KCNQ1: variants seen among roughly 807,000 people sequenced by gnomAD.
KCNQ1 encodes potassium voltage-gated channel subfamily KQT member 1.
KCNQ1 carries 49 observed loss-of-function variants against 72.4 expected under a neutral mutation model. The observed-to-expected ratio is 0.68, with a 90% CI of 0.54 to 0.86. The LOEUF (loss-of-function observed/expected upper bound fraction) is 0.86. KCNQ1 is among the 40% of genes least tolerant of loss of function. KCNQ1 has a pLI of 0.00. For synonymous variants in KCNQ1, 450 were observed against 412.6 expected (o/e 1.09, Z -1.10); for missense variants, 790 against 945.1 (o/e 0.84, Z 2.15).
rs1377964839 is a variant in KCNQ1 at position 2,461,554 on chromosome 11, C to T, written c.386+16070C>T. 5.2e-6 allele frequency: 7 copies of T among 1,352,038 alleles called. No individual in the cohort carries two copies. In the African/African-American group the frequency reaches 7.4e-5, roughly 14 times the overall value. The allele number at this position is 1,352,038 out of a possible 1,614,324, so 83.8% of individuals were successfully genotyped here. A position where few individuals can be genotyped will look rare whatever the true frequency, so the allele number is the denominator to read the frequency against. On this transcript the variant is annotated intron_variant, in intron 1 of 15. Coordinates refer to ENST00000155840, the MANE Select transcript of KCNQ1 (RefSeq NM_000218.3). ...GTGTAGGATGGCACTGGTGCCGGGC[C>T]TGGATTTACTCAGCCCAGATCACGG...
chr11:2,820,709 G>A (rs1274987518), intron 15 of KCNQ1, among the ~76,000 whole-genome samples: 3 of 152,188 alleles, frequency 2.0e-5, no homozygotes, highest in African/African-American at 7.2e-5. Context: ...CCCATCCTCT[G>A]GGCCCTTAAA....
At chr11:2,539,117 G>A (rs1018486984) in intron 2 of KCNQ1, among the ~76,000 whole-genome samples, 1 of 152,108 alleles carries the variant, frequency 6.6e-6, no homozygotes, top group Non-Finnish European at 1.5e-5. Flanking sequence ...ATGTCCCGTC[G>A]GCAGCCCGTG....
chr11:2,659,821 A>G lies in KCNQ1; in HGVS notation c.1394-2140A>G. The G allele has an allele frequency of 1.0e-5, 4 of 398,252 alleles. No individual in the cohort carries two copies. Among genetic ancestry groups the G allele is most frequent in the Non-Finnish European group, 1.8e-5 (4 of 225,984 alleles). The allele number at this position is 398,252 out of a possible 1,614,324, so 24.7% of individuals were successfully genotyped here. On this transcript the variant is annotated intron_variant, in intron 10 of 15. Transcript: ENST00000155840. This position sits in a 1 kb window ranked among gnomAD's most constrained non-coding sequence, Gnocchi z 4.3. ...GAATTTCATTGTGATTCTAATTTGC[A>G]TTTCCATATTTATGTTAATTATGTA... is the stretch of plus-strand genomic sequence containing the variant.
At chr11:2,569,596 G>A (rs2067565006) in intron 2 of KCNQ1, among the ~76,000 whole-genome samples, 1 of 152,212 alleles carries the variant, frequency 6.6e-6, no homozygotes, top group Non-Finnish European at 1.5e-5. Flanking sequence ...GTGGCTTTGT[G>A]TGGCTAGCGC....
At chr11:2,761,052 T>C (rs1157933661) in intron 11 of KCNQ1, among the ~76,000 whole-genome samples, 1 of 152,228 alleles carries the variant, frequency 6.6e-6, no homozygotes, top group African/African-American at 2.4e-5. Flanking sequence ...GTTCTTGCCT[T>C]GGCGTACTGG....
Position 2,759,721 on chromosome 11 carries a change from C to T in KCNQ1, c.1515-9123C>T, listed in dbSNP as rs755282908. On this transcript the variant is annotated intron_variant, in intron 11 of 15. Coordinates refer to ENST00000155840, the MANE Select transcript of KCNQ1 (RefSeq NM_000218.3). This position sits in a 1 kb window ranked among gnomAD's most constrained non-coding sequence, Gnocchi z 4.4. ...AGAGCTTGTCCAGGCAGGGTGGATA[C>T]AAGGGGCTTGCATCTGACTTAACTG... Among the ~76,000 whole-genome samples the T allele has an allele frequency of 2.0e-5, 3 of 152,212 alleles. No homozygotes were observed. The highest frequency in any genetic ancestry group is 4.4e-5 in the Non-Finnish European group (3 of 68,030).
rs1847816619 is a variant in KCNQ1, at chr11:2,541,150, C to T, written c.477+13132C>T. Among the ~76,000 whole-genome samples, 1 of 152,248 alleles carries T rather than the reference C, an allele frequency of 6.6e-6. No individual in the cohort carries two copies. Among genetic ancestry groups the T allele is most frequent in the Non-Finnish European group, 1.5e-5 (1 of 68,040 alleles). On this transcript the variant is annotated intron_variant, in intron 2 of 15. Coordinates refer to ENST00000155840, the MANE Select transcript of KCNQ1 (RefSeq NM_000218.3). This position sits in a 1 kb window ranked among gnomAD's most constrained non-coding sequence, Gnocchi z 4.8. ...CTCAGGCAGGCAGGGAGAGAGACCC[C>T]CTTGGGGCCGCGTTCCATTTGCACA...
intron 2 of KCNQ1, among the ~76,000 whole-genome samples, chr11:2,529,350 GCCTTGCTTTTCCCAGT>G (rs1010249642): frequency 2.6e-4 from 40 of 152,186 alleles, no homozygotes; most frequent in African/African-American, 9.4e-4. Context: ...GGCGCTTGCA[GCCTTGCTTTTCCCAGT>G]GAACGTTGCC....
chr11:2,711,526 T>C lies in KCNQ1; in HGVS notation c.1514+49445T>C, dbSNP rs1851006044. Among the ~76,000 whole-genome samples, 1 of 152,118 alleles carries C rather than the reference T, an allele frequency of 6.6e-6. No homozygotes were observed. Among genetic ancestry groups the C allele is most frequent in the Non-Finnish European group, 1.5e-5 (1 of 68,022 alleles). On this transcript the variant is annotated intron_variant, in intron 11 of 15. Transcript: ENST00000155840. This position sits in a 1 kb window ranked among gnomAD's most constrained non-coding sequence, Gnocchi z 5.4. ...GGCAGCTTGTGGAATCTTCTCAACC[T>C]TGGGTGTCGCCTGCCCAGAACGGGG...
At chr11:2,662,567 A>T (rs964512692) in intron 11 of KCNQ1, 23 of 427,494 alleles carry the variant, frequency 5.4e-5, no homozygotes, top group African/African-American at 8.1e-5. Flanking sequence ...CCTGAGGCAC[A>T]GCTGGCCTGG....
intron 2 of KCNQ1, among the ~76,000 whole-genome samples, chr11:2,539,932 G>A (rs1847796375): frequency 6.6e-6 from 1 of 152,234 alleles, no homozygotes; most frequent in African/African-American, 2.4e-5. Context: ...ACCCTGGCCA[G>A]CTGGAGAGCC....
chr11:2,466,356 T>A (rs1318871056), intron 1 of KCNQ1, among the ~76,000 whole-genome samples: 1 of 152,124 alleles, frequency 6.6e-6, no homozygotes, highest in Non-Finnish European at 1.5e-5. Context: ...AGGCTGGGGT[T>A]TGTCCCCTAC....
intron 11 of KCNQ1, chr11:2,662,865 A>AT (rs1011987613): frequency 4.8e-5 from 19 of 398,548 alleles, no homozygotes; most frequent in African/African-American, 3.7e-4. Flanking sequence ...CTCTACCAAC[A>AT]TTTTTCTAAA....
At chr11:2,553,333 TC>T (rs1399914767) in intron 2 of KCNQ1, among the ~76,000 whole-genome samples, 1 of 152,184 alleles carries the variant, frequency 6.6e-6, no homozygotes, top group Non-Finnish European at 1.5e-5. Context: ...AGGGCTGCTA[TC>T]CTTATCTTAC....
intron 15 of KCNQ1, among the ~76,000 whole-genome samples, chr11:2,825,112 C>T (rs1405443532): frequency 2.6e-5 from 4 of 152,208 alleles, no homozygotes; most frequent in Non-Finnish European, 2.9e-5. Context: ...CTGTCCCATG[C>T]GCAGAGACAG....
chr11:2,831,445 C>G (rs909171329), intron 15 of KCNQ1, among the ~76,000 whole-genome samples: 6 of 152,060 alleles, frequency 3.9e-5, no homozygotes, highest in African/African-American at 1.5e-4. Context: ...TCCAGGAAGC[C>G]CTCCCTGACT....
rs991990958 is a variant in KCNQ1 at position 2,463,067 on chromosome 11, A to G, written c.386+17583A>G. Among the ~76,000 whole-genome samples, 2 of 151,820 alleles carry G rather than the reference A, an allele frequency of 1.3e-5. No individual in the cohort carries two copies. The highest frequency in any genetic ancestry group is 2.9e-5 in the Non-Finnish European group (2 of 67,940). ...AGTCGGGGGTCCTCAGGGGTCCTTC[A>G]GGGATATACCTGCTGTCAGGGTGTG... On this transcript the variant is annotated intron_variant, in intron 1 of 15. Coordinates refer to ENST00000155840, the MANE Select transcript of KCNQ1 (RefSeq NM_000218.3). This position sits in a 1 kb window ranked among gnomAD's most constrained non-coding sequence, Gnocchi z 7.0.
chr11:2,554,153 G>A (rs1848035077), intron 2 of KCNQ1, among the ~76,000 whole-genome samples: 1 of 152,242 alleles, frequency 6.6e-6, no homozygotes. Flanking sequence ...GATGCCGCTG[G>A]CATCAGAGAA....
rs1589934321 is a variant in KCNQ1, at chr11:2,532,881, G to A, written c.477+4863G>A. 1.3e-5 allele frequency among the ~76,000 whole-genome samples: 2 copies of A among 152,302 alleles called. 1 individual carries two copies. Among genetic ancestry groups the A allele is most frequent in the Non-Finnish European group, 2.9e-5 (2 of 68,028 alleles). On this transcript the variant is annotated intron_variant, in intron 2 of 15. Transcript: ENST00000155840. Reference sequence around the variant, plus strand: ...GCAGGGTTGCAGGAAGGACGGTTGGGGGCGCTTCGGGGAGGTACGAGAAGC... The same window carrying A: ...GCAGGGTTGCAGGAAGGACGGTTGGAGGCGCTTCGGGGAGGTACGAGAAGC...
Sources: allele counts gnomAD v4.1 joint callset (sites outside exome capture counted in the v4.1 genomes callset), GRCh38; gene constraint gnomAD v4.1.1; non-coding constraint Gnocchi (gnomAD v3.1); transcripts MANE v1.5; gene names NCBI Gene and HGNC (gene_info 2026-07-23, HGNC 2026-07-21).